IKZF2: variants seen among roughly 807,000 people sequenced by gnomAD.
IKZF2 encodes zinc finger protein Helios.
A neutral mutation model predicts 49.2 loss-of-function variants in IKZF2; 15 were observed. That is an observed-to-expected ratio of 0.30 (90% CI 0.20 to 0.47). The LOEUF (loss-of-function observed/expected upper bound fraction) is 0.47. Ranked by LOEUF, IKZF2 falls within the 20% of genes least tolerant of loss-of-function variation. The probability of loss-of-function intolerance (pLI) is 1.00; values close to 1 mark genes in which losing one functional copy is unlikely to be tolerated. For synonymous variants in IKZF2, 227 were observed against 221.4 expected (o/e 1.03, Z -0.23); for missense variants, 567 against 664.6 (o/e 0.85, Z 1.61).
At chr2:213,039,352 CAT>C (rs146082438) in intron 6 of IKZF2, among the ~76,000 whole-genome samples, 13 of 149,622 alleles carry the variant, frequency 8.7e-5, no homozygotes, top group African/African-American at 2.2e-4. Flanking sequence ...AAAGATAGTC[CAT>C]ATATATATAT....
chr2:213,148,665 C>T (rs1351208205), intron 2 of IKZF2, 21 bp from the exon 3 acceptor site: 2 of 1,590,596 alleles, frequency 1.3e-6, no homozygotes, highest in East Asian at 4.5e-5. Context: ...AAAGATTATA[C>T]CCTTAATACA....
chr2:213,061,220 A>C (rs1026294804), intron 4 of IKZF2, among the ~76,000 whole-genome samples: 2 of 151,480 alleles, frequency 1.3e-5, no homozygotes, highest in Non-Finnish European at 3.0e-5. Flanking sequence ...TCTACAATCA[A>C]AGGCTTCACA....
intron 4 of IKZF2, among the ~76,000 whole-genome samples, chr2:213,116,571 C>T (rs1454361001): frequency 1.3e-5 from 2 of 152,016 alleles, no homozygotes; most frequent in African/African-American, 2.4e-5. Flanking sequence ...CTTGTCTGTA[C>T]AAAAAACATT....
chr2:213,056,530 A>G (rs1701167977), intron 5 of IKZF2: 7 of 470,930 alleles, frequency 1.5e-5, no homozygotes, highest in South Asian at 1.5e-4. Context: ...ATAGAAATAC[A>G]AAAAGATTAA....
At chr2:213,061,044 T>C (rs1427009014) in intron 4 of IKZF2, among the ~76,000 whole-genome samples, 1 of 151,590 alleles carries the variant, frequency 6.6e-6, no homozygotes, top group African/African-American at 2.4e-5. Flanking sequence ...ATACTATTTA[T>C]AAACACTAGA....
chr2:213,057,083 T>C lies in IKZF2; in HGVS notation c.156A>G (p.Leu52=). 6.2e-7 allele frequency: 1 copy of C among 1,612,112 alleles called. No homozygotes were observed. The change falls in exon 5 of 9, where the codon CTA becomes CTG. Residue 52 remains leucine (L), a synonymous_variant. Transcript: ENST00000434687. ...CACACTCTTCATCACTCTGCATTTC[T>C]AGCTTTACTGAATTTGCTGTAATTT... ...SHMTSTNSVK[L]EMQSDEECDR...
chr2:213,070,903 T>A (rs1209233859), intron 4 of IKZF2, among the ~76,000 whole-genome samples: 1 of 152,178 alleles, frequency 6.6e-6, no homozygotes, highest in African/African-American at 2.4e-5. Context: ...TGTGGGCTAG[T>A]TTTGTGAAAT....
At chr2:213,110,662 A>G (rs1376984326) in intron 4 of IKZF2, among the ~76,000 whole-genome samples, 3 of 152,028 alleles carry the variant, frequency 2.0e-5, no homozygotes, top group Non-Finnish European at 2.9e-5. Context: ...ACAAATTATT[A>G]TAAGATAAAT....
chr2:213,015,891 C>T (rs1412740208), intron 7 of IKZF2, among the ~76,000 whole-genome samples: 1 of 151,996 alleles, frequency 6.6e-6, no homozygotes, highest in African/African-American at 2.4e-5. Flanking sequence ...CAAAACCTGG[C>T]AGTTTTGCTC....
chr2:213,080,028 A>G (rs558790825), intron 4 of IKZF2, among the ~76,000 whole-genome samples: 9 of 152,324 alleles, frequency 5.9e-5, no homozygotes, highest in African/African-American at 2.2e-4. Context: ...TTTGACTAAC[A>G]CTTAAAAACA....
rs534615403 is a variant in IKZF2, at chr2:213,117,806, C to T, written c.139+29902G>A. Among the ~76,000 whole-genome samples the T allele has an allele frequency of 2.0e-5, 3 of 152,294 alleles. No individual in the cohort carries two copies. In the South Asian group the frequency reaches 6.2e-4, roughly 32 times the overall value. ...GTTAGTTTGTATAATACTATTAACC[C>T]TACTACAATTGCCACATTAACTAAG... is the stretch of plus-strand genomic sequence containing the variant. On this transcript the variant is annotated intron_variant, in intron 4 of 8. Coordinates refer to ENST00000434687, the MANE Select transcript of IKZF2 (RefSeq NM_001387220.1).
At chr2:213,137,925 G>A (rs190252801) in intron 4 of IKZF2, among the ~76,000 whole-genome samples, 1 of 152,184 alleles carries the variant, frequency 6.6e-6, no homozygotes, top group Admixed American at 6.5e-5. Flanking sequence ...TTAGTAAGAA[G>A]TAGGTAGAGC....
rs1695203426 is a variant in IKZF2 at position 213,004,986 on chromosome 2, T to C, written c.*2374A>G. The C allele has an allele frequency of 6.6e-6, 1 of 152,218 alleles. No homozygotes were observed. Among genetic ancestry groups the C allele is most frequent in the Non-Finnish European group, 1.5e-5 (1 of 67,896 alleles). 9.4% of individuals were successfully genotyped at this position (152,218 alleles called of 1,614,324 possible). On this transcript the variant is annotated 3_prime_UTR_variant, in exon 9 of 9. Transcript: ENST00000434687. Reference sequence around the variant, plus strand: ...GGGCAGGTAGATACATGATTGTTCATATACTGAAAAAAAAATAAGTAGGAA... The same window carrying C: ...GGGCAGGTAGATACATGATTGTTCACATACTGAAAAAAAAATAAGTAGGAA...
chr2:213,056,041 C>T (rs1701121719), intron 5 of IKZF2, among the ~76,000 whole-genome samples: 1 of 152,008 alleles, frequency 6.6e-6, no homozygotes, highest in African/African-American at 2.4e-5. Context: ...ATCCTCCTAG[C>T]TTACCACTTA....
intron 4 of IKZF2, among the ~76,000 whole-genome samples, chr2:213,108,994 C>T (rs1167674303): frequency 6.6e-6 from 1 of 151,758 alleles, no homozygotes; most frequent in Non-Finnish European, 1.5e-5. Context: ...CTTGTATAAT[C>T]TTTTTAATGT....
intron 4 of IKZF2, among the ~76,000 whole-genome samples, chr2:213,111,443 T>C (rs1413395978): frequency 6.6e-6 from 1 of 152,110 alleles, no homozygotes; most frequent in African/African-American, 2.4e-5. Flanking sequence ...TACTAAATTA[T>C]TTTATTGTTT....
At chr2:213,122,020 T>C (rs536515939) in intron 4 of IKZF2, among the ~76,000 whole-genome samples, 3 of 152,062 alleles carry the variant, frequency 2.0e-5, no homozygotes, top group African/African-American at 4.8e-5. Context: ...TTATAAAACA[T>C]CTCAATCAAA....
rs2124943474 is a variant in IKZF2, at chr2:213,001,735, A to G, written c.*5625T>C. ...GACAATGACAGAAGGGAGACGGACA[A>G]AGAAAGAGGCTGAGGGAGATGTAAC... is the stretch of plus-strand genomic sequence containing the variant. On this transcript the variant is annotated 3_prime_UTR_variant, in exon 9 of 9. Transcript: ENST00000434687. 1 of 151,994 alleles carries G rather than the reference A, an allele frequency of 6.6e-6. No homozygotes were observed. Among genetic ancestry groups the G allele is most frequent in the Non-Finnish European group, 1.5e-5 (1 of 67,476 alleles). The allele number at this position is 151,994 out of a possible 1,614,324, so 9.4% of individuals were successfully genotyped here.
chr2:213,118,551 G>A (rs1052402736), intron 4 of IKZF2, among the ~76,000 whole-genome samples: 1 of 152,156 alleles, frequency 6.6e-6, no homozygotes, highest in Non-Finnish European at 1.5e-5. Context: ...AAAGGCAGTT[G>A]AAAGAATATT....
Sources: gnomAD v4.1 joint callset for allele counts (sites outside exome capture counted in the v4.1 genomes callset) on GRCh38, gnomAD v4.1.1 for gene constraint, MANE v1.5 for transcripts, NCBI Gene and HGNC (gene_info 2026-07-23, HGNC 2026-07-21) for gene names.